SENP7: variants seen among roughly 807,000 people sequenced by gnomAD.
SENP7 encodes SUMO specific peptidase 7.
SENP7 carries 64 observed loss-of-function variants against 141.2 expected under a neutral mutation model. The ratio of observed to expected loss-of-function variants is 0.45; its 90% CI spans 0.37 to 0.56. The LOEUF (loss-of-function observed/expected upper bound fraction) is 0.56, where lower values mean the gene tolerates loss of function less well. SENP7 is among the 20% of genes least tolerant of loss of function. The pLI is 0.00. For synonymous variants in SENP7, 382 were observed against 426.4 expected, an observed-to-expected ratio of 0.90 and a Z score of 1.28; for missense variants, 1,025 against 1,212.2, an observed-to-expected ratio of 0.85 and a Z score of 2.29.
intron 1 of SENP7, among the ~76,000 whole-genome samples, chr3:101,505,939 T>G (rs1301866550): frequency 6.6e-6 from 1 of 152,016 alleles, no homozygotes; most frequent in Non-Finnish European, 1.5e-5. Context: ...GGAAAATCTC[T>G]CCAATTACTC....
intron 3 of SENP7, among the ~76,000 whole-genome samples, chr3:101,459,490 A>C (rs1406906349): frequency 6.6e-6 from 1 of 152,196 alleles, no homozygotes; most frequent in Admixed American, 6.5e-5. Flanking sequence ...TTATTGACAG[A>C]GTTTAGATTA....
intron 6 of SENP7, among the ~76,000 whole-genome samples, chr3:101,376,811 A>C (rs976521554): frequency 6.6e-6 from 1 of 152,210 alleles, no homozygotes; most frequent in African/African-American, 2.4e-5. Context: ...AGAAAAAAAA[A>C]CAGAAGAATT....
At chr3:101,497,566 AT>A (rs919188743) in intron 2 of SENP7, among the ~76,000 whole-genome samples, 14 of 152,188 alleles carry the variant, frequency 9.2e-5, no homozygotes, top group Admixed American at 6.5e-5. Context: ...AACATGAAAG[AT>A]CTCCCAAGGC....
intron 6 of SENP7, among the ~76,000 whole-genome samples, chr3:101,391,776 A>G (rs1258035450): frequency 6.6e-6 from 1 of 152,192 alleles, no homozygotes; most frequent in East Asian, 1.9e-4. Flanking sequence ...CTATACAAGG[A>G]CATGAGAAAA....
chr3:101,398,069 C>G (rs546175151), intron 6 of SENP7, among the ~76,000 whole-genome samples: 2 of 152,178 alleles, frequency 1.3e-5, no homozygotes, highest in Non-Finnish European at 2.9e-5. Flanking sequence ...AATGGAAAAT[C>G]TCAAACCATT....
At chr3:101,380,297 G>A (rs1248984797) in intron 6 of SENP7, among the ~76,000 whole-genome samples, 1 of 151,958 alleles carries the variant, frequency 6.6e-6, no homozygotes, top group African/African-American at 2.4e-5. Flanking sequence ...ATAGATTAAA[G>A]TCCCTATTAT....
chr3:101,387,611 C>T (rs556563158), intron 6 of SENP7, among the ~76,000 whole-genome samples: 2 of 152,330 alleles, frequency 1.3e-5, no homozygotes, highest in South Asian at 2.1e-4. Flanking sequence ...CACCACAGTG[C>T]GCCATCCAGA....
Position 101,456,453 on chromosome 3 carries a change from T to C in SENP7, c.284+2502A>G, listed in dbSNP as rs189034500. 2.0e-5 allele frequency among the ~76,000 whole-genome samples: 3 copies of C among 152,288 alleles called. No homozygotes were observed. The East Asian group carries it at 5.8e-4, about 29-fold the overall frequency. The stretch of plus-strand genomic sequence containing the variant: ...TACTGCTATTGAATTTTAAAATCTT[T>C]TTATCCCCTAACAATATCATTAAGT... On this transcript the variant is annotated intron_variant, in intron 4 of 23. Coordinates refer to ENST00000394095, the MANE Select transcript of SENP7 (RefSeq NM_020654.5).
chr3:101,394,022 C>T (rs926760243), intron 6 of SENP7, among the ~76,000 whole-genome samples: 1 of 150,294 alleles, frequency 6.7e-6, no homozygotes, highest in Non-Finnish European at 1.5e-5. Flanking sequence ...ACTACAGTCA[C>T]CCTACTCTGC....
chr3:101,379,061 G>A lies in SENP7; in HGVS notation c.678-6935C>T, dbSNP rs149256582. On this transcript the variant is annotated intron_variant, in intron 6 of 23. Coordinates refer to ENST00000394095, the MANE Select transcript of SENP7 (RefSeq NM_020654.5). ...ACATAAACCAACAGAACAGAATAGA[G>A]ATCCCAGAAATAAACCCTCAAATAC... 1.4e-4 allele frequency among the ~76,000 whole-genome samples: 22 copies of A among 152,222 alleles called. No individual in the cohort carries two copies. In the East Asian group the frequency reaches 4.1e-3, roughly 28 times the overall value.
intron 6 of SENP7, among the ~76,000 whole-genome samples, chr3:101,384,330 C>T (rs1291698581): frequency 1.3e-5 from 2 of 152,264 alleles, no homozygotes; most frequent in Non-Finnish European, 2.9e-5. Flanking sequence ...GTGCTACACA[C>T]TCTTGCCACG....
At position 101,366,723 on chromosome 3, in the gene SENP7, G is replaced by A; in HGVS notation, c.1025C>T (p.Pro342Leu). The part of the protein sequence containing the change: ...DSTISTEFEK[P>L]SENYHQDPKL... ...TGGATCCTGATGATAGTTTTCACTT[G>A]GCTTTTCAAACTCAGTGGATATTGT... is the stretch of plus-strand genomic sequence containing the variant. Residue 342 changes from proline to leucine, a missense_variant, in exon 9 of 24, where the codon CCA becomes CTA. Around this residue, in one of 4 missense-constraint regions of SENP7, gnomAD observed 496 missense variants for 503.5 expected, o/e 0.99. Transcript: ENST00000394095. The A allele has an allele frequency of 1.2e-6, 2 of 1,609,666 alleles. No homozygotes were observed. The highest frequency in any genetic ancestry group is 1.7e-6 in the Non-Finnish European group (2 of 1,177,702).
At chr3:101,403,422 G>C (rs2061209247) in intron 5 of SENP7, among the ~76,000 whole-genome samples, 1 of 152,146 alleles carries the variant, frequency 6.6e-6, no homozygotes, top group Non-Finnish European at 1.5e-5. Flanking sequence ...TAAACATGAA[G>C]AACCCAACGC....
At chr3:101,345,239 C>T (rs896956263) in intron 13 of SENP7, among the ~76,000 whole-genome samples, 2 of 151,862 alleles carry the variant, frequency 1.3e-5, no homozygotes, top group African/African-American at 4.8e-5. Flanking sequence ...TTTTCTAGTT[C>T]TATGAAGTAT....
chr3:101,367,615 A>C (rs975275901), intron 8 of SENP7, among the ~76,000 whole-genome samples: 1 of 152,186 alleles, frequency 6.6e-6, no homozygotes, highest in Non-Finnish European at 1.5e-5. Context: ...TTTTTTAATC[A>C]TTCATAGTAT....
At chr3:101,510,326 T>C (rs2065797357) in intron 1 of SENP7, among the ~76,000 whole-genome samples, 1 of 152,202 alleles carries the variant, frequency 6.6e-6, no homozygotes, top group Non-Finnish European at 1.5e-5. Flanking sequence ...CCATCTGGAA[T>C]TGGGTTTCTG....
At position 101,367,886 on chromosome 3, in the gene SENP7, T is replaced by G; in HGVS notation, c.922A>C (p.Asn308His). The change falls in exon 8 of 24, where the codon AAT (asparagine) becomes CAT (histidine). Residue 308 changes from asparagine (N) to histidine (H), a missense_variant. Asn to His is a moderately conservative substitution (Grantham distance 68, BLOSUM62 1). This residue lies in a region of SENP7 where 496 missense variants were observed against 503.5 expected (regional missense o/e 0.99). Transcript: ENST00000394095. ...ISRKTKRRLR[N>H]NLPDSQYCTS... is the part of the protein sequence containing the mutation. ...CAATATTGAGAATCAGGTAAATTAT[T>G]TCTAAGCCTTCTCTTTGTCTTCCTG... 6.2e-7 allele frequency: 1 copy of G among 1,610,984 alleles called. No homozygotes were observed. Among genetic ancestry groups the G allele is most frequent in the Non-Finnish European group, 8.5e-7 (1 of 1,177,492 alleles).
chr3:101,450,685 A>G (rs1044980042), intron 4 of SENP7, among the ~76,000 whole-genome samples: 1 of 152,224 alleles, frequency 6.6e-6, no homozygotes, highest in African/African-American at 2.4e-5. Context: ...GACACAACAC[A>G]CCAGAATCTC....
At chr3:101,404,111 AG>A (rs1463288370) in intron 5 of SENP7, among the ~76,000 whole-genome samples, 2 of 152,200 alleles carry the variant, frequency 1.3e-5, no homozygotes, top group African/African-American at 2.4e-5. Context: ...CATATAACCA[AG>A]GCAATCCTAA....
Sources: gnomAD v4.1 joint callset for allele counts (sites outside exome capture counted in the v4.1 genomes callset) on GRCh38, gnomAD v4.1.1 for gene constraint, gnomAD v4.1.1 regional missense constraint, MANE v1.5 for transcripts, NCBI Gene and HGNC (gene_info 2026-07-23, HGNC 2026-07-21) for gene names.